ASPM: variants seen among roughly 807,000 people sequenced by gnomAD.
ASPM encodes the protein assembly factor for spindle microtubules.
A neutral mutation model predicts 366.4 loss-of-function variants in ASPM; 256 were observed. That is an observed-to-expected ratio of 0.70 (90% CI 0.63 to 0.77). The LOEUF is 0.77. Among genes scored for constraint, ASPM ranks in the 30% least tolerant of loss-of-function variants. The pLI is 0.00. For synonymous variants in ASPM, 1,414 were observed against 1,342.9 expected, an observed-to-expected ratio of 1.05 and a Z score of -1.16; for missense variants, 4,146 against 4,090.4, an observed-to-expected ratio of 1.01 and a Z score of -0.37.
intron 9 of ASPM, 130 bp downstream of exon 9, chr1:197,129,057 C>T (rs1284297182): frequency 1.6e-5 from 16 of 1,005,764 alleles, no homozygotes; most frequent in Non-Finnish European, 1.3e-5. Flanking sequence ...GACAGGCATT[C>T]CTATTTTACT....
chr1:197,121,299 T>C (rs953135532), intron 16 of ASPM, among the ~76,000 whole-genome samples: 3 of 152,180 alleles, frequency 2.0e-5, no homozygotes, highest in Non-Finnish European at 4.4e-5. Context: ...TTTACATTAA[T>C]GAAATTTTTG....
chr1:197,129,097 T>TTTTTTTCTAAAAAACTAAA lies in ASPM; in HGVS notation c.2760+89_2760+90insTTTAGTTTTTTAGAAAAAA. 6 of 1,460,274 alleles carry TTTTTTTCTAAAAAACTAAA rather than the reference T, an allele frequency of 4.1e-6. No homozygotes were observed. The East Asian group carries it at 1.2e-4, about 29-fold the overall frequency. The allele number at this position is 1,460,274 out of a possible 1,614,324, so 90.5% of individuals were successfully genotyped here. A position where few individuals can be genotyped will look rare whatever the true frequency, so the allele number is the denominator to read the frequency against. The stretch of plus-strand genomic sequence containing the variant: ...TGAGTATTATTCTTTGGAAAACTAA[T>TTTTTTTCTAAAAAACTAAA]TTTTTTTCTAAAGAGAAAACATACC... On this transcript the variant is annotated intron_variant, in intron 9 of 27. Transcript: ENST00000367409.
At chr1:197,121,337 T>TA (rs1395553842) in intron 16 of ASPM, among the ~76,000 whole-genome samples, 1 of 152,106 alleles carries the variant, frequency 6.6e-6, no homozygotes, top group Non-Finnish European at 1.5e-5. Flanking sequence ...AGGGAAACAA[T>TA]AAATAACATC....
intron 18 of ASPM, among the ~76,000 whole-genome samples, chr1:197,099,576 C>A (rs1038799960): frequency 6.6e-6 from 1 of 151,626 alleles, no homozygotes; most frequent in African/African-American, 2.4e-5. Flanking sequence ...ACATACACTT[C>A]TCATGTTGTA....
chr1:197,092,285 T>C (rs1656810734), intron 21 of ASPM, among the ~76,000 whole-genome samples: 1 of 151,904 alleles, frequency 6.6e-6, no homozygotes, highest in African/African-American at 2.4e-5. Flanking sequence ...AAATTATATT[T>C]TGGGTACTTT....
At chr1:197,117,700 A>C in intron 17 of ASPM, 89 bp downstream of exon 17, 1 of 1,146,856 alleles carries the variant, frequency 8.7e-7, no homozygotes, top group Non-Finnish European at 1.3e-6. Context: ...CTAAAATATA[A>C]TCATTGAAAA....
Position 197,100,625 on chromosome 1 carries a change from T to C in ASPM, c.8626A>G (p.Arg2876Gly), listed in dbSNP as rs1297250524. The C allele has an allele frequency of 6.2e-7, 1 of 1,612,116 alleles. No individual in the cohort carries two copies. The highest frequency in any genetic ancestry group is 8.5e-7 in the Non-Finnish European group (1 of 1,178,886). Residue 2876 changes from arginine to glycine, a missense_variant, in exon 18 of 28, where the codon AGA becomes GGA. Physicochemically the swap from Arg to Gly is moderately radical, Grantham distance 125. This residue lies in a region of ASPM where 3,624 missense variants were observed against 3,591.7 expected (regional missense o/e 1.01). Transcript: ENST00000367409. ...LQHYFRTWQT[R>G]KQFLLYRKAA... Reference sequence around the variant, plus strand: ...TTTCTATATAGTAAAAACTGTTTTCTGGTTTGCCACGTCCTAAAATAATGC... The same window carrying C: ...TTTCTATATAGTAAAAACTGTTTTCCGGTTTGCCACGTCCTAAAATAATGC...
chr1:197,136,914 C>T (rs1292751371), intron 4 of ASPM, among the ~76,000 whole-genome samples: 1 of 151,834 alleles, frequency 6.6e-6, no homozygotes, highest in Non-Finnish European at 1.5e-5. Context: ...TTATAGTTAT[C>T]ATATAATATC....
intron 18 of ASPM, among the ~76,000 whole-genome samples, chr1:197,098,234 A>T (rs538750950): frequency 1.9e-4 from 29 of 151,064 alleles, no homozygotes; most frequent in Admixed American, 1.9e-3. Flanking sequence ...ATATGTAAGT[A>T]TTTAGTAATG....
chr1:197,128,460 A>C (rs960829947), intron 10 of ASPM, 30 bp downstream of exon 10: 1 of 1,588,224 alleles, frequency 6.3e-7, no homozygotes. Context: ...CTATTCCATT[A>C]AGCAAAATAA....
Position 197,142,425 on chromosome 1 carries a change from A to G in ASPM, c.1827T>C (p.Pro609=). ...TTGTTTTCTTAACAGCTGATGTTTT[A>G]GGCTCTGAGGGAGAAAAATGGATTC... ...IKRIHFSPSE[P]KTSAVKKTKN... is the part of the protein sequence containing the mutation. Residue 609 remains proline, a synonymous_variant, in exon 3 of 28, where the codon CCT becomes CCC. Coordinates refer to ENST00000367409, the MANE Select transcript of ASPM (RefSeq NM_018136.5). The G allele has an allele frequency of 6.2e-7, 1 of 1,613,938 alleles. No homozygotes were observed. The highest frequency in any genetic ancestry group is 8.5e-7 in the Non-Finnish European group (1 of 1,179,852).
intron 11 of ASPM, 30 bp downstream of exon 11, chr1:197,125,016 G>A (rs760833680): frequency 1.2e-6 from 2 of 1,611,632 alleles, no homozygotes; most frequent in South Asian, 2.2e-5. Context: ...TCAGTGAGGA[G>A]AATAAGTTTT....
At chr1:197,134,854 T>C (rs969300277) in intron 5 of ASPM, among the ~76,000 whole-genome samples, 3 of 152,234 alleles carry the variant, frequency 2.0e-5, no homozygotes, top group Non-Finnish European at 4.4e-5. Context: ...CGGGACTGAT[T>C]GCATTGACTG....
At chr1:197,100,346 T>C in intron 18 of ASPM, 85 bp downstream of exon 18, 1 of 982,326 alleles carries the variant, frequency 1.0e-6, no homozygotes, top group Non-Finnish European at 1.5e-6. Flanking sequence ...CTTTATGACC[T>C]GCTTAAGCTC....
At chr1:197,145,668 G>A (rs1305783567) in intron 1 of ASPM, among the ~76,000 whole-genome samples, 2 of 152,036 alleles carry the variant, frequency 1.3e-5, no homozygotes, top group Admixed American at 6.6e-5. Context: ...TGTTAAAAAA[G>A]TGCATTGTCT....
At position 197,146,528 on chromosome 1, in the gene ASPM, C is replaced by T. The variant is rs765619685; in HGVS notation, c.-91G>A. On this transcript the variant is annotated 5_prime_UTR_variant, in exon 1 of 28. Transcript: ENST00000367409. ...TCCGGGACTTACGCTGACCGCTTCC[C>T]CTCAGGGGCGGCTGTAGAGGTCGTG... 32 of 1,441,986 alleles carry T rather than the reference C, an allele frequency of 2.2e-5. No individual in the cohort carries two copies. Among genetic ancestry groups the T allele is most frequent in the Non-Finnish European group, 3.1e-5 (32 of 1,048,920 alleles). The allele number at this position is 1,441,986 out of a possible 1,614,324, so 89.3% of individuals were successfully genotyped here.
intron 17 of ASPM, among the ~76,000 whole-genome samples, chr1:197,107,508 C>T (rs1657450220): frequency 6.6e-6 from 1 of 152,012 alleles, no homozygotes; most frequent in Non-Finnish European, 1.5e-5. Flanking sequence ...ATTAAATTTC[C>T]AGAATGCAAT....
At chr1:197,145,613 A>G (rs1264640877) in intron 1 of ASPM, among the ~76,000 whole-genome samples, 2 of 152,156 alleles carry the variant, frequency 1.3e-5, no homozygotes, top group Non-Finnish European at 1.5e-5. Context: ...ATTTTAAAAA[A>G]AGCTGCTTTA....
Position 197,130,007 on chromosome 1 carries a change from C to A in ASPM, c.2537G>T (p.Gly846Val). 6.2e-7 allele frequency: 1 copy of A among 1,613,924 alleles called. No individual in the cohort carries two copies. The highest frequency in any genetic ancestry group is 1.1e-5 in the South Asian group (1 of 91,074). Reference protein sequence around the residue: ...ISLEDNSDVTGLAMFILNRLL... With the variant: ...ISLEDNSDVTVLAMFILNRLL... ...GCGATTCAGAATAAACATAGCCAAC[C>A]CTGTGACATCACTGTTATCTTCCAA... is the stretch of plus-strand genomic sequence containing the variant. The change falls in exon 8 of 28, where the codon GGG becomes GTG. Residue 846 changes from glycine to valine, a missense_variant. By Grantham distance (109) the Gly-to-Val change is moderately radical. This residue lies in a region of ASPM where 3,624 missense variants were observed against 3,591.7 expected (regional missense o/e 1.01). Coordinates refer to ENST00000367409, the MANE Select transcript of ASPM (RefSeq NM_018136.5).
Sources: allele counts gnomAD v4.1 joint callset (sites outside exome capture counted in the v4.1 genomes callset), GRCh38; gene constraint gnomAD v4.1.1; regional missense constraint gnomAD v4.1.1; transcripts MANE v1.5; gene names NCBI Gene and HGNC (gene_info 2026-07-23, HGNC 2026-07-21).